SMYD3: variants seen among roughly 807,000 people sequenced by gnomAD.
The protein encoded by SMYD3 is SET and MYND domain containing 3.
SMYD3 carries 36 observed loss-of-function variants against 57.7 expected under a neutral mutation model. The observed-to-expected ratio is 0.62, with a 90% CI of 0.48 to 0.82. The LOEUF (loss-of-function observed/expected upper bound fraction) is 0.82. SMYD3 is among the 40% of genes least tolerant of loss of function. The pLI, the probability that SMYD3 is intolerant of heterozygous loss-of-function variation, is 0.00. For synonymous variants in SMYD3, 211 were observed against 195.0 expected, an observed-to-expected ratio of 1.08 and a Z score of -0.68; for missense variants, 515 against 538.8, an observed-to-expected ratio of 0.96 and a Z score of 0.44.
At chr1:245,878,240 G>A (rs546099840) in intron 8 of SMYD3, among the ~76,000 whole-genome samples, 2 of 152,324 alleles carry the variant, frequency 1.3e-5, no homozygotes, top group Admixed American at 6.5e-5. Flanking sequence ...AGGAAACAAT[G>A]GTTAGAGGCA....
chr1:245,901,955 T>C (rs1009865179), intron 8 of SMYD3, among the ~76,000 whole-genome samples: 22 of 152,108 alleles, frequency 1.4e-4, no homozygotes. Flanking sequence ...GAGTCCATCA[T>C]GGAATTGTTC....
intron 5 of SMYD3, among the ~76,000 whole-genome samples, chr1:246,115,199 T>C (rs1037811114): frequency 3.0e-4 from 45 of 152,162 alleles, no homozygotes; most frequent in African/African-American, 9.7e-4. Context: ...AATCAGCCCA[T>C]GCACATGAAC....
Position 245,890,251 on chromosome 1 carries a change from G to C in SMYD3, c.813+25279C>G, listed in dbSNP as rs369538554. Among the ~76,000 whole-genome samples the C allele has an allele frequency of 1.3e-4, 20 of 152,184 alleles. No individual in the cohort carries two copies. In the East Asian group the frequency reaches 1.7e-3, roughly 13 times the overall value. On this transcript the variant is annotated intron_variant, in intron 8 of 11. Coordinates refer to ENST00000490107, the MANE Select transcript of SMYD3 (RefSeq NM_001167740.2). ...CAAATGGGATCACATCAAGTTAAAA[G>C]CTTCTACACAGCAAAGAAAACAATG...
rs540582667 is a variant in SMYD3 at position 245,770,953 on chromosome 1, T to C, written c.1077-6804A>G. Among the ~76,000 whole-genome samples the C allele has an allele frequency of 3.3e-5, 5 of 151,972 alleles. No individual in the cohort carries two copies. In the South Asian group the frequency reaches 6.2e-4, roughly 19 times the overall value. On this transcript the variant is annotated intron_variant, in intron 10 of 11. Transcript: ENST00000490107. Reference sequence around the variant, plus strand: ...ATATCCATCAAAGATACAGAGACAATGTAACAGAAATAAACAGGAGCAGAG... The same window carrying C: ...ATATCCATCAAAGATACAGAGACAACGTAACAGAAATAAACAGGAGCAGAG...
At chr1:245,818,554 T>C (rs1403788224) in intron 10 of SMYD3, among the ~76,000 whole-genome samples, 3 of 152,008 alleles carry the variant, frequency 2.0e-5, no homozygotes, top group Non-Finnish European at 4.4e-5. Flanking sequence ...ATATTAACTT[T>C]AAACGTAAAT....
chr1:246,125,867 A>T (rs184537881), intron 5 of SMYD3, among the ~76,000 whole-genome samples: 8 of 152,318 alleles, frequency 5.3e-5, no homozygotes, highest in Admixed American at 1.3e-4. Flanking sequence ...ATCACCACCA[A>T]GAAAACATAA....
chr1:245,844,756 C>CT (rs34012727), intron 10 of SMYD3, among the ~76,000 whole-genome samples: 151,592 of 152,330 alleles, frequency 1, 75,433 homozygotes, highest in Middle Eastern at 1. Context: ...ACGACCATCA[C>CT]GGCTCCAACA....
In SMYD3 at chr1:246,481,607, T is replaced by TATATATATAC. The variant is rs1156393004; in HGVS notation, c.164+25446_164+25447insGTATATATAT. Among the ~76,000 whole-genome samples the TATATATATAC allele has an allele frequency of 1.2e-3, 74 of 61,776 alleles. 1 individual carries two copies. The highest frequency in any genetic ancestry group is 5.8e-3 in the East Asian group (4 of 684). The allele number at this position is 61,776 out of a possible 152,430, so 40.5% of individuals were successfully genotyped here. Reference sequence around the variant, plus strand: ...TTCTCAGGCTCCATATATATATATATACACATACATATATACATACATACA... The same window carrying TATATATATAC: ...TTCTCAGGCTCCATATATATATATATATATATATACACACATACATATATACATACATACA... On this transcript the variant is annotated intron_variant, in intron 1 of 11. Transcript: ENST00000490107.
At chr1:246,284,207 C>A (rs1034854946) in intron 5 of SMYD3, among the ~76,000 whole-genome samples, 2 of 152,182 alleles carry the variant, frequency 1.3e-5, no homozygotes, top group Admixed American at 6.5e-5. Context: ...TCCCAACAGG[C>A]AAGTGCTGCA....
chr1:246,442,767 C>T (rs970068348), intron 1 of SMYD3, among the ~76,000 whole-genome samples: 13 of 152,054 alleles, frequency 8.5e-5, no homozygotes, highest in South Asian at 4.2e-4. Context: ...GACCCATTAA[C>T]GCAAACACTG....
intron 5 of SMYD3, among the ~76,000 whole-genome samples, chr1:245,952,377 G>C (rs1180124526): frequency 6.6e-6 from 1 of 152,090 alleles, no homozygotes; most frequent in East Asian, 1.9e-4. Flanking sequence ...CAAAGACCAG[G>C]AGGAAAAAGA....
intron 5 of SMYD3, among the ~76,000 whole-genome samples, chr1:246,159,953 C>A (rs1249577262): frequency 6.6e-6 from 1 of 152,118 alleles, no homozygotes; most frequent in Non-Finnish European, 1.5e-5. Flanking sequence ...CAGGAGTGCA[C>A]CACTTTACCT....
chr1:246,358,791 A>G (rs2065945885), intron 1 of SMYD3, among the ~76,000 whole-genome samples: 1 of 152,208 alleles, frequency 6.6e-6, no homozygotes, highest in Admixed American at 6.5e-5. Context: ...CAACTTATCA[A>G]AACCTCTGGA....
chr1:246,167,891 T>G (rs2148228163), intron 5 of SMYD3, among the ~76,000 whole-genome samples: 1 of 152,342 alleles, frequency 6.6e-6, no homozygotes, highest in South Asian at 2.1e-4. Context: ...CATTTGTATA[T>G]CTTCTTTGGA....
At chr1:246,397,889 G>C (rs1343908833) in intron 1 of SMYD3, among the ~76,000 whole-genome samples, 10 of 146,946 alleles carry the variant, frequency 6.8e-5, no homozygotes, top group African/African-American at 2.5e-4. Context: ...CTCTGGGGTG[G>C]GGGCACAAGA....
At chr1:246,078,763 A>C (rs987394581) in intron 5 of SMYD3, among the ~76,000 whole-genome samples, 3 of 152,232 alleles carry the variant, frequency 2.0e-5, no homozygotes, top group Non-Finnish European at 4.4e-5. Context: ...AGAGAACAGG[A>C]AGCAGAACTA....
At chr1:245,879,089 T>G (rs1281344404) in intron 8 of SMYD3, among the ~76,000 whole-genome samples, 1 of 152,194 alleles carries the variant, frequency 6.6e-6, no homozygotes, top group Non-Finnish European at 1.5e-5. Context: ...TCAGTGCAGC[T>G]ATAATCTTGA....
At chr1:246,004,019 C>T (rs989456198) in intron 5 of SMYD3, among the ~76,000 whole-genome samples, 2 of 56,576 alleles carry the variant, frequency 3.5e-5, no homozygotes, top group African/African-American at 6.6e-5. Context: ...GCTCAGACCT[C>T]GATTGGAATT....
At chr1:246,009,653 G>C (rs1431973369) in intron 5 of SMYD3, among the ~76,000 whole-genome samples, 1 of 152,004 alleles carries the variant, frequency 6.6e-6, no homozygotes, top group Non-Finnish European at 1.5e-5. Context: ...GAGCCGTAAG[G>C]CAAGTCTCTC....
Sources: gnomAD v4.1 joint callset for allele counts (sites outside exome capture counted in the v4.1 genomes callset) on GRCh38, gnomAD v4.1.1 for gene constraint, MANE v1.5 for transcripts, NCBI Gene and HGNC (gene_info 2026-07-23, HGNC 2026-07-21) for gene names.